Variants in DYM observed in about 807,000 individuals in gnomAD.
The protein encoded by DYM is dymeclin, also known as dyggve-Melchior-Clausen syndrome protein.
Under a neutral mutation model 93.1 loss-of-function variants are expected in DYM, and 78 were observed. That is an observed-to-expected ratio of 0.84 (90% confidence interval 0.70 to 1.01). The LOEUF is 1.01. Ranked by LOEUF, DYM falls within the 50% of genes least tolerant of loss-of-function variation. The pLI, the probability that DYM is intolerant of heterozygous loss-of-function variation, is 0.00. For missense variants in DYM, 789 were observed against 845.0 expected, an observed-to-expected ratio of 0.93 and a Z score of 0.82; for synonymous variants, 321 against 319.7, an observed-to-expected ratio of 1.00 and a Z score of -0.04.
intron 15 of DYM, among the ~76,000 whole-genome samples, chr18:49,144,586 A>G (rs1458050948): frequency 6.6e-6 from 1 of 152,166 alleles, no homozygotes; most frequent in Non-Finnish European, 1.5e-5. Flanking sequence ...CTTTTAGTAG[A>G]AATCTGGTTG....
At chr18:49,284,596 C>T (rs2095076313) in intron 9 of DYM, among the ~76,000 whole-genome samples, 2 of 152,138 alleles carry the variant, frequency 1.3e-5, no homozygotes, top group Admixed American at 6.5e-5. Flanking sequence ...GTGATATTAT[C>T]TCTATTTTAT....
intron 1 of DYM, among the ~76,000 whole-genome samples, chr18:49,456,199 A>G (rs1442257568): frequency 6.6e-6 from 1 of 152,230 alleles, no homozygotes; most frequent in Non-Finnish European, 1.5e-5. Flanking sequence ...TTAACAGTGT[A>G]AGAAACTACA....
At chr18:49,335,845 T>G (rs1161003122) in intron 6 of DYM, among the ~76,000 whole-genome samples, 2 of 151,892 alleles carry the variant, frequency 1.3e-5, no homozygotes, top group South Asian at 4.1e-4. Context: ...ACAGGGTCTG[T>G]GTCTGTCACC....
chr18:49,417,088 G>A (rs972417868), intron 2 of DYM, among the ~76,000 whole-genome samples: 8 of 152,092 alleles, frequency 5.3e-5, no homozygotes, highest in South Asian at 2.1e-4. Context: ...ATCTGGCCAC[G>A]TTTCCTTTAT....
At chr18:49,412,731 G>T (rs9959323) in intron 2 of DYM, among the ~76,000 whole-genome samples, 2,314 of 152,210 alleles carry the variant, frequency 0.015, 47 homozygotes, top group African/African-American at 0.052. Context: ...GTGCCAAAGA[G>T]CCTAAAAATA....
At chr18:49,262,599 G>A (rs1341642449) in intron 11 of DYM, among the ~76,000 whole-genome samples, 1 of 152,148 alleles carries the variant, frequency 6.6e-6, no homozygotes, top group Non-Finnish European at 1.5e-5. Flanking sequence ...AGGTATGCCT[G>A]TCTGATAGTA....
rs146444978 is a variant in DYM, at chr18:49,403,096, A to G, written c.141-11451T>C. On this transcript the variant is annotated intron_variant, in intron 2 of 17. Coordinates refer to ENST00000675505, the MANE Select transcript of DYM (RefSeq NM_001353214.3). ...CTCCCCAAAACCAACAAGAAAACCC[A>G]TAAGTATTGAACTGTCAAATATTTA... 1.0e-2 allele frequency among the ~76,000 whole-genome samples: 1,516 copies of G among 152,290 alleles called. 74 individuals are homozygous for G. The highest frequency in any genetic ancestry group is 0.088 in the Admixed American group (1,351 of 15,294).
intron 15 of DYM, among the ~76,000 whole-genome samples, chr18:49,123,631 G>C (rs1003010141): frequency 2.0e-5 from 3 of 152,118 alleles, no homozygotes; most frequent in African/African-American, 7.2e-5. Context: ...TTCTGCTTCT[G>C]TTCCATCAAG....
At chr18:49,249,205 G>A (rs1040019460) in intron 13 of DYM, among the ~76,000 whole-genome samples, 10 of 152,120 alleles carry the variant, frequency 6.6e-5, no homozygotes, top group Admixed American at 2.0e-4. Flanking sequence ...CAATACCCTC[G>A]ACTGTCTAAA....
At chr18:49,056,024 C>T (rs1481755552) in intron 17 of DYM, among the ~76,000 whole-genome samples, 1 of 152,190 alleles carries the variant, frequency 6.6e-6, no homozygotes, top group Non-Finnish European at 1.5e-5. Flanking sequence ...AGCCCAGCAG[C>T]CACGTGAGCC....
chr18:49,172,331 AT>A (rs2088852039), intron 14 of DYM, among the ~76,000 whole-genome samples: 1 of 152,142 alleles, frequency 6.6e-6, no homozygotes, highest in Non-Finnish European at 1.5e-5. Flanking sequence ...GTGTGAACAT[AT>A]GTTTTCATTT....
chr18:49,254,640 A>T (rs2094356474), intron 13 of DYM, among the ~76,000 whole-genome samples: 1 of 152,198 alleles, frequency 6.6e-6, no homozygotes, highest in South Asian at 2.1e-4. Flanking sequence ...TCCCAACTAA[A>T]AAATTGTTTG....
intron 8 of DYM, among the ~76,000 whole-genome samples, chr18:49,322,618 T>C (rs1018094239): frequency 1.3e-5 from 2 of 152,032 alleles, no homozygotes; most frequent in South Asian, 2.1e-4. Flanking sequence ...TACATTATTA[T>C]ATGTATGTTA....
intron 14 of DYM, among the ~76,000 whole-genome samples, chr18:49,191,684 T>A (rs928557793): frequency 2.0e-5 from 3 of 152,206 alleles, no homozygotes; most frequent in Non-Finnish European, 4.4e-5. Flanking sequence ...TATCTCCTAG[T>A]GAAATTGTGA....
intron 17 of DYM, among the ~76,000 whole-genome samples, chr18:49,077,527 G>T (rs2077406996): frequency 6.6e-6 from 1 of 152,192 alleles, no homozygotes; most frequent in Admixed American, 6.5e-5. Flanking sequence ...GTCTTTTTCA[G>T]ATTTTCTATG....
intron 2 of DYM, among the ~76,000 whole-genome samples, chr18:49,425,838 A>T (rs2074227083): frequency 6.6e-6 from 1 of 152,204 alleles, no homozygotes; most frequent in African/African-American, 2.4e-5. Context: ...AATCAAAACC[A>T]CAATGAAATA....
chr18:49,358,550 AC>A (rs1242490924), intron 6 of DYM, among the ~76,000 whole-genome samples: 2 of 152,202 alleles, frequency 1.3e-5, no homozygotes, highest in African/African-American at 4.8e-5. Context: ...TCTATACCTT[AC>A]GAAAAAAACT....
intron 10 of DYM, among the ~76,000 whole-genome samples, chr18:49,281,072 C>A (rs528503635): frequency 6.6e-6 from 1 of 152,300 alleles, no homozygotes; most frequent in African/African-American, 2.4e-5. Context: ...GGGCTAATAT[C>A]CAGAATCTGC....
intron 5 of DYM, 49 bp from the exon 6 acceptor site, chr18:49,363,282 A>G (rs1263269712): frequency 7.6e-7 from 1 of 1,310,332 alleles, no homozygotes; most frequent in Non-Finnish European, 1.1e-6. Flanking sequence ...ACACAGTAGA[A>G]TACAGTTGTT....
Sources: gnomAD v4.1 joint callset for allele counts (sites outside exome capture counted in the v4.1 genomes callset) on GRCh38, gnomAD v4.1.1 for gene constraint, MANE v1.5 for transcripts, NCBI Gene and HGNC (gene_info 2026-07-23, HGNC 2026-07-21) for gene names.